PLAA: variants seen among roughly 807,000 people sequenced by gnomAD.
The protein encoded by PLAA is phospholipase A-2-activating protein.
A neutral mutation model predicts 84.1 loss-of-function variants in PLAA; 48 were observed. The ratio of observed to expected loss-of-function variants is 0.57; its 90% confidence interval spans 0.45 to 0.73. PLAA has a LOEUF of 0.73. Among genes scored for constraint, PLAA ranks in the 30% least tolerant of loss-of-function variants. PLAA has a pLI of 0.00. For missense variants in PLAA, 903 were observed against 954.7 expected, an observed-to-expected ratio of 0.95 and a Z score of 0.71; for synonymous variants, 392 against 336.6, an observed-to-expected ratio of 1.16 and a Z score of -1.80.
chr9:26,905,231 A>C lies in PLAA; in HGVS notation c.*280T>G. The C allele has an allele frequency of 2.8e-6, 1 of 351,568 alleles. No homozygotes were observed. Among genetic ancestry groups the C allele is most frequent in the East Asian group, 5.4e-5 (1 of 18,500 alleles). 21.8% of individuals were successfully genotyped at this position (351,568 alleles called of 1,614,324 possible). ...ACAGCCCTTGTCTTCTTAGTGGCTA[A>C]GGTAAGGGGAAGATGTCATTGTCAT... On this transcript the variant is annotated 3_prime_UTR_variant, in exon 14 of 14. Coordinates refer to ENST00000397292, the MANE Select transcript of PLAA (RefSeq NM_001031689.3).
intron 10 of PLAA, chr9:26,915,871 T>G (rs533274951): frequency 5.1e-6 from 5 of 985,392 alleles, no homozygotes; most frequent in Non-Finnish European, 6.0e-6. Flanking sequence ...CCAAAGTGAT[T>G]TGGATTCTCA....
chr9:26,915,907 C>G, intron 10 of PLAA: 1 of 985,398 alleles, frequency 1.0e-6, no homozygotes, highest in Non-Finnish European at 1.2e-6. Flanking sequence ...CAGGGCATCA[C>G]TGTTTCTGAA....
Position 26,947,048 on chromosome 9 carries a change from C to G in PLAA, c.-3G>C, listed in dbSNP as rs1348305757. ...TACCTGGTTGCGCCGCTCGTCATGGCCAGTGTCTGTCTGGCGCCCGGTGCC... is the reference window on the plus strand; with the variant it reads ...TACCTGGTTGCGCCGCTCGTCATGGGCAGTGTCTGTCTGGCGCCCGGTGCC... On this transcript the variant is annotated 5_prime_UTR_variant, in exon 1 of 14. Coordinates refer to ENST00000397292, the MANE Select transcript of PLAA (RefSeq NM_001031689.3). 1 of 1,575,658 alleles carries G rather than the reference C, an allele frequency of 6.3e-7. No homozygotes were observed. The highest frequency in any genetic ancestry group is 1.2e-5 in the South Asian group (1 of 85,412).
chr9:26,936,650 T>C (rs1463394907), intron 1 of PLAA, among the ~76,000 whole-genome samples: 1 of 152,194 alleles, frequency 6.6e-6, no homozygotes, highest in African/African-American at 2.4e-5. Flanking sequence ...CCAGAGAACC[T>C]TGCTCACAGC....
rs150108376 is a variant in PLAA at position 26,942,224 on chromosome 9, G to A, written c.149+4673C>T. ...GGTTATGTTCCAATAAGGCAACAAG[G>A]AAGAAAACCAACCAAGAGAAAGCTA... On this transcript the variant is annotated intron_variant, in intron 1 of 13. Coordinates refer to ENST00000397292, the MANE Select transcript of PLAA (RefSeq NM_001031689.3). Among the ~76,000 whole-genome samples the A allele has an allele frequency of 4.2e-3, 642 of 152,252 alleles. 1 individual carries two copies. Among genetic ancestry groups the A allele is most frequent in the African/African-American group, 0.015 (604 of 41,540 alleles).
At position 26,905,117 on chromosome 9, in the gene PLAA, C is replaced by T. The variant is rs1362281571; in HGVS notation, c.*394G>A. ...AATGTATCAGTGCTGTTCGAAGGAT[C>T]TAGCAATGAAGGTGGAGAAGTTAAA... On this transcript the variant is annotated 3_prime_UTR_variant, in exon 14 of 14. Transcript: ENST00000397292. 1.2e-5 allele frequency: 2 copies of T among 163,828 alleles called. No individual in the cohort carries two copies. Among genetic ancestry groups the T allele is most frequent in the East Asian group, 1.7e-4 (1 of 5,836 alleles). The allele number at this position is 163,828 out of a possible 1,614,324, so 10.1% of individuals were successfully genotyped here. A position where few individuals can be genotyped will look rare whatever the true frequency, so the allele number is the denominator to read the frequency against.
rs1825758725 is a variant in PLAA at position 26,947,112 on chromosome 9, A to G, written c.-67T>C. ...AGACCAGTCCGCAGGGGCGACTCGG[A>G]GAGCGCCGGGCCGCGGCGGGAGAAG... On this transcript the variant is annotated 5_prime_UTR_variant, in exon 1 of 14. Transcript: ENST00000397292. 2.1e-6 allele frequency: 3 copies of G among 1,409,866 alleles called. No individual in the cohort carries two copies. The highest frequency in any genetic ancestry group is 3.1e-5 in the Admixed American group (1 of 32,450). The allele number at this position is 1,409,866 out of a possible 1,614,324, so 87.3% of individuals were successfully genotyped here. A position where few individuals can be genotyped will look rare whatever the true frequency, so the allele number is the denominator to read the frequency against.
At chr9:26,918,222 C>T (rs1824631505) in intron 9 of PLAA, among the ~76,000 whole-genome samples, 1 of 151,994 alleles carries the variant, frequency 6.6e-6, no homozygotes, top group African/African-American at 2.4e-5. Context: ...CGTGATTCTC[C>T]TGCCTCAGTT....
In PLAA at chr9:26,925,852, T is replaced by C; in HGVS notation, c.842A>G (p.Asp281Gly). The part of the protein sequence containing the change: ...AQSIWCCCVL[D>G]NGDIVVGASD... ...CGCACCAACCACAATGTCACCATTG[T>C]CGAGCACACAGCAGCACCATATAGA... Residue 281 changes from aspartate to glycine, a missense_variant, in exon 6 of 14, where the codon GAC becomes GGC. Transcript: ENST00000397292. The C allele has an allele frequency of 1.9e-6, 3 of 1,614,080 alleles. No individual in the cohort carries two copies. Among genetic ancestry groups the C allele is most frequent in the African/African-American group, 2.7e-5 (2 of 75,042 alleles).
intron 10 of PLAA, among the ~76,000 whole-genome samples, chr9:26,915,432 A>G (rs1824517967): frequency 6.6e-6 from 1 of 152,226 alleles, no homozygotes. Context: ...ATAAATTAAT[A>G]AGGAAAAGAA....
At chr9:26,937,677 A>G (rs1488387788) in intron 1 of PLAA, among the ~76,000 whole-genome samples, 1 of 152,194 alleles carries the variant, frequency 6.6e-6, no homozygotes, top group African/African-American at 2.4e-5. Flanking sequence ...CATGAAGAAA[A>G]CTGAAGTATC....
chr9:26,932,831 T>C (rs190880936), intron 2 of PLAA, among the ~76,000 whole-genome samples: 16 of 152,260 alleles, frequency 1.1e-4, no homozygotes, highest in Non-Finnish European at 1.5e-4. Flanking sequence ...ACACAAACAT[T>C]TAAAAAATTC....
Position 26,906,329 on chromosome 9 carries a change from A to G in PLAA, c.1823-253T>C, listed in dbSNP as rs1365140081. Reference sequence around the variant, plus strand: ...AAGGTAACTCTCTCAAACAGCCTACACACTGTGAGTATTCAAAAATGAATG... The same window carrying G: ...AAGGTAACTCTCTCAAACAGCCTACGCACTGTGAGTATTCAAAAATGAATG... On this transcript the variant is annotated intron_variant, in intron 13 of 13. Coordinates refer to ENST00000397292, the MANE Select transcript of PLAA (RefSeq NM_001031689.3). Among the ~76,000 whole-genome samples, 3 of 152,096 alleles carry G rather than the reference A, an allele frequency of 2.0e-5. 1 individual carries two copies. In the South Asian group the frequency reaches 6.2e-4, roughly 32 times the overall value.
At chr9:26,941,628 A>G (rs1825546800) in intron 1 of PLAA, among the ~76,000 whole-genome samples, 1 of 152,210 alleles carries the variant, frequency 6.6e-6, no homozygotes, top group Non-Finnish European at 1.5e-5. Context: ...AAAACAGACC[A>G]TTAAGGAGGA....
In PLAA at chr9:26,946,526, AAG is replaced by A. The variant is rs1491059729; in HGVS notation, c.149+369_149+370del. On this transcript the variant is annotated intron_variant, in intron 1 of 13. Transcript: ENST00000397292. The stretch of plus-strand genomic sequence containing the variant: ...GCATCTTCTTCGAAAAAAAAAAAAA[AAG>A]AGGACATTTCAGATGCCTTCAAACT... Among the ~76,000 whole-genome samples the A allele has an allele frequency of 1.3e-4, 19 of 151,168 alleles. No homozygotes were observed. In the East Asian group the frequency reaches 2.3e-3, roughly 18 times the overall value.
intron 2 of PLAA, among the ~76,000 whole-genome samples, chr9:26,931,133 C>A: frequency 6.9e-6 from 1 of 144,186 alleles, no homozygotes; most frequent in Non-Finnish European, 1.5e-5. Context: ...TTCCAATGGC[C>A]AGATATGGAA....
chr9:26,929,484 AG>A (rs2131400015), intron 2 of PLAA, among the ~76,000 whole-genome samples: 1 of 152,294 alleles, frequency 6.6e-6, no homozygotes, highest in East Asian at 1.9e-4. Flanking sequence ...AAAAGATAAA[AG>A]AAAAAAAAAG....
chr9:26,934,284 A>T (rs2131410828), intron 2 of PLAA, among the ~76,000 whole-genome samples: 1 of 152,290 alleles, frequency 6.6e-6, no homozygotes, highest in South Asian at 2.1e-4. Flanking sequence ...ATATACACAA[A>T]TCACAGAAAA....
intron 10 of PLAA, chr9:26,916,190 T>C (rs992302066): frequency 7.4e-5 from 73 of 985,246 alleles, no homozygotes; most frequent in Non-Finnish European, 8.3e-5. Flanking sequence ...CCAATCTCTA[T>C]GACTTAGAGA....
Sources: gnomAD v4.1 joint callset for allele counts (sites outside exome capture counted in the v4.1 genomes callset) on GRCh38, gnomAD v4.1.1 for gene constraint, MANE v1.5 for transcripts, NCBI Gene and HGNC (gene_info 2026-07-23, HGNC 2026-07-21) for gene names.